The following USP34 variants were observed in gnomAD, a reference collection of about 807,000 sequenced individuals.
The protein encoded by USP34 is ubiquitin specific peptidase 34.
In USP34, 70 loss-of-function variants were observed where a neutral mutation model predicts 460.3. That is an observed-to-expected ratio of 0.15 (90% CI 0.13 to 0.19). The LOEUF (loss-of-function observed/expected upper bound fraction) is 0.19. USP34 is among the 10% of genes least tolerant of loss of function. USP34 has a pLI of 1.00. For missense variants in USP34, 3,985 were observed against 4,236.2 expected (o/e 0.94, Z 1.65); for synonymous variants, 1,647 against 1,405.3 (o/e 1.17, Z -3.85).
In USP34 at chr2:61,378,660, C is replaced by CT. The variant is rs1311553380; in HGVS notation, c.1015-237dup. 2.0e-5 allele frequency among the ~76,000 whole-genome samples: 3 copies of CT among 152,092 alleles called. No individual in the cohort carries two copies. The East Asian group carries it at 5.8e-4, about 29-fold the overall frequency. On this transcript the variant is annotated intron_variant, in intron 7 of 79. Transcript: ENST00000398571. ...GCGGCTCACACCTGTAATCCCAGCA[C>CT]TTTAGGAGGCCAAGGCAGGTGGATC...
intron 75 of USP34, among the ~76,000 whole-genome samples, chr2:61,199,699 T>C (rs1327844096): frequency 1.3e-5 from 2 of 152,244 alleles, no homozygotes; most frequent in Non-Finnish European, 2.9e-5. Context: ...GTCATCTTTA[T>C]CATCTACCAA....
chr2:61,204,115 G>C, intron 74 of USP34, 141 bp downstream of exon 74: 1 of 1,182,398 alleles, frequency 8.5e-7, no homozygotes, highest in Non-Finnish European at 1.2e-6. Flanking sequence ...AGCACTAAAA[G>C]GAAAAAGTCC....
At chr2:61,467,843 G>C (rs973406682) in intron 1 of USP34, among the ~76,000 whole-genome samples, 4 of 151,964 alleles carry the variant, frequency 2.6e-5, no homozygotes, top group Non-Finnish European at 2.9e-5. Context: ...GGCTGGTCTC[G>C]AGCTCCTGAC....
intron 44 of USP34, among the ~76,000 whole-genome samples, chr2:61,258,773 G>A (rs1162579797): frequency 6.6e-6 from 1 of 152,120 alleles, no homozygotes; most frequent in Non-Finnish European, 1.5e-5. Context: ...TTAAAAGATT[G>A]ATCACTTTTA....
Position 61,266,029 on chromosome 2 carries a change from T to C in USP34, c.5572A>G (p.Asn1858Asp), listed in dbSNP as rs1223726347. Residue 1858 changes from asparagine to aspartate, a missense_variant, in exon 42 of 80, where the codon AAC becomes GAC. By Grantham distance (23) the Asn-to-Asp change is conservative. Transcript: ENST00000398571. ...ACCCAGTTGTGTATTAGCCTGTAGT[T>C]CTCAACAGACCCCTTTACCATCTCT... ...LVEMVKGSVENYRLIHNWVMA... is the reference protein window; with the variant it reads ...LVEMVKGSVEDYRLIHNWVMA... 6.2e-7 allele frequency: 1 copy of C among 1,613,660 alleles called. No homozygotes were observed. Among genetic ancestry groups the C allele is most frequent in the East Asian group, 2.2e-5 (1 of 44,880 alleles).
intron 48 of USP34, among the ~76,000 whole-genome samples, chr2:61,252,794 G>T (rs1263670339): frequency 6.6e-6 from 1 of 152,204 alleles, no homozygotes; most frequent in Non-Finnish European, 1.5e-5. Context: ...GTGGCATGGG[G>T]TGAAACCATG....
At chr2:61,441,830 AAAG>A (rs1309552736) in intron 1 of USP34, among the ~76,000 whole-genome samples, 2 of 150,918 alleles carry the variant, frequency 1.3e-5, no homozygotes, top group African/African-American at 2.4e-5. Flanking sequence ...AAAGAAAAGA[AAAG>A]AAAAAAAAAA....
At chr2:61,387,403 T>C (rs1430952828) in intron 5 of USP34, among the ~76,000 whole-genome samples, 3 of 151,808 alleles carry the variant, frequency 2.0e-5, no homozygotes, top group African/African-American at 7.3e-5. Context: ...AGGTGGAGAC[T>C]GCAGTGAGCC....
At chr2:61,220,543 C>A in intron 66 of USP34, 86 bp from the exon 67 acceptor site, 6 of 1,242,576 alleles carry the variant, frequency 4.8e-6, no homozygotes, top group East Asian at 2.7e-5. Context: ...CTATTAGACA[C>A]AAAGCTAAAG....
chr2:61,411,380 C>CA (rs35518324), intron 2 of USP34, among the ~76,000 whole-genome samples: 1,819 of 117,992 alleles, frequency 0.015, 22 homozygotes, highest in African/African-American at 0.04. Context: ...GATCCTGTCT[C>CA]AAAAAAAAAA....
chr2:61,292,651 C>CA (rs780333507), intron 33 of USP34, among the ~76,000 whole-genome samples: 3 of 151,734 alleles, frequency 2.0e-5, no homozygotes, highest in Admixed American at 1.3e-4. Flanking sequence ...AAAGGCAATT[C>CA]AAAAAAAGCA....
intron 27 of USP34, among the ~76,000 whole-genome samples, chr2:61,305,394 G>T (rs1364373956): frequency 1.3e-5 from 2 of 151,858 alleles, no homozygotes; most frequent in South Asian, 4.1e-4. Flanking sequence ...TATGCAAGAT[G>T]ACCACAAAAT....
chr2:61,399,492 A>T (rs184664307), intron 3 of USP34, among the ~76,000 whole-genome samples: 2 of 152,074 alleles, frequency 1.3e-5, no homozygotes, highest in South Asian at 4.1e-4. Flanking sequence ...TTATAATCTC[A>T]TTTTTTAAGT....
intron 1 of USP34, among the ~76,000 whole-genome samples, chr2:61,447,530 G>C (rs923189955): frequency 6.6e-6 from 1 of 152,042 alleles, no homozygotes; most frequent in Non-Finnish European, 1.5e-5. Flanking sequence ...CTTTCAAACA[G>C]ATGTTTTATG....
At chr2:61,354,236 C>T (rs755331589) in intron 10 of USP34, among the ~76,000 whole-genome samples, 4 of 152,100 alleles carry the variant, frequency 2.6e-5, no homozygotes, top group African/African-American at 7.2e-5. Flanking sequence ...AAGCCAAAGA[C>T]GAAAATCTCA....
chr2:61,387,548 A>G (rs1269001761), intron 5 of USP34, among the ~76,000 whole-genome samples: 1 of 146,386 alleles, frequency 6.8e-6, no homozygotes, highest in Non-Finnish European at 1.5e-5. Flanking sequence ...CATATATAAA[A>G]TATATATATT....
intron 1 of USP34, among the ~76,000 whole-genome samples, chr2:61,436,209 A>C (rs1341963741): frequency 1.9e-4 from 29 of 152,098 alleles, no homozygotes; most frequent in Admixed American, 1.9e-3. Context: ...CTCATGCTGT[A>C]ATCTCAGCTA....
intron 1 of USP34, among the ~76,000 whole-genome samples, chr2:61,461,173 T>C (rs1251162857): frequency 1.3e-5 from 2 of 151,732 alleles, no homozygotes; most frequent in African/African-American, 4.8e-5. Context: ...GGTGGATGAC[T>C]TGAGCTCAGG....
intron 33 of USP34, among the ~76,000 whole-genome samples, chr2:61,289,118 CTTTCA>C (rs895365589): frequency 3.6e-4 from 54 of 151,942 alleles, no homozygotes; most frequent in Non-Finnish European, 6.2e-4. Flanking sequence ...GGAAATGACA[CTTTCA>C]TTTCTTTAAT....
Sources: gnomAD v4.1 joint callset for allele counts (sites outside exome capture counted in the v4.1 genomes callset) on GRCh38, gnomAD v4.1.1 for gene constraint, MANE v1.5 for transcripts, NCBI Gene and HGNC (gene_info 2026-07-23, HGNC 2026-07-21) for gene names.